Variants in DNAH14 observed in about 807,000 individuals in gnomAD.
DNAH14 encodes the protein dynein axonemal heavy chain 14.
Under a neutral mutation model 520.9 loss-of-function variants are expected in DNAH14, and 478 were observed. That is an observed-to-expected ratio of 0.92 (90% CI 0.85 to 0.99). The LOEUF (loss-of-function observed/expected upper bound fraction) is 0.99. Among genes scored for constraint, DNAH14 ranks in the 50% least tolerant of loss-of-function variants. The probability of loss-of-function intolerance (pLI) is 0.00; values close to 1 mark genes in which losing one functional copy is unlikely to be tolerated. For synonymous variants in DNAH14, 1,581 were observed against 1,757.2 expected (o/e 0.90, Z 2.51); for missense variants, 4,831 against 5,234.5 (o/e 0.92, Z 2.38).
chr1:225,272,885 T>C, intron 51 of DNAH14, 70 bp from the exon 52 acceptor site: 1 of 1,399,994 alleles, frequency 7.1e-7, no homozygotes. Flanking sequence ...CCTGCAAAAA[T>C]TGAGCCTTCG....
intron 77 of DNAH14, among the ~76,000 whole-genome samples, chr1:225,368,508 G>GA (rs2095580055): frequency 6.6e-6 from 1 of 152,172 alleles, no homozygotes; most frequent in Admixed American, 6.5e-5. Flanking sequence ...GTTTAGCTCA[G>GA]TGGTCTTCCT....
At chr1:225,116,100 G>C (rs966484527) in intron 23 of DNAH14, among the ~76,000 whole-genome samples, 6 of 152,172 alleles carry the variant, frequency 3.9e-5, no homozygotes, top group Admixed American at 3.3e-4. Flanking sequence ...AAAGTACAAA[G>C]ACATGGAGCC....
At chr1:225,046,484 G>A (rs1226435249) in intron 15 of DNAH14, among the ~76,000 whole-genome samples, 1 of 152,028 alleles carries the variant, frequency 6.6e-6, no homozygotes, top group Non-Finnish European at 1.5e-5. Context: ...CGTATGTTGT[G>A]AAGTAGGACT....
At position 225,079,302 on chromosome 1, in the gene DNAH14, A is replaced by C; in HGVS notation, c.2520A>C (p.Lys840Asn). The C allele has an allele frequency of 6.5e-7, 1 of 1,549,930 alleles. No homozygotes were observed. The highest frequency in any genetic ancestry group is 8.7e-7 in the Non-Finnish European group (1 of 1,146,574). Residue 840 changes from lysine to asparagine, a missense_variant, in exon 18 of 86, where the codon AAA (lysine) becomes AAC (asparagine). Coordinates refer to ENST00000682510, the MANE Select transcript of DNAH14 (RefSeq NM_001367479.1). ...HFIFLNAISS[K>N]ISKLEKEFLT... is the part of the protein sequence containing the mutation. ...TTTTTTTGAATGCAATTTCCTCAAA[A>C]ATATCTAAATTAGAAAAAGAGTTCT... is the stretch of plus-strand genomic sequence containing the variant.
chr1:225,191,306 T>A (rs1032525846), intron 37 of DNAH14, among the ~76,000 whole-genome samples: 3 of 152,040 alleles, frequency 2.0e-5, no homozygotes, highest in Non-Finnish European at 2.9e-5. Context: ...ATGCCTTAGT[T>A]TCTCCCTCAC....
intron 17 of DNAH14, among the ~76,000 whole-genome samples, chr1:225,071,133 C>T (rs1419610002): frequency 6.6e-6 from 1 of 152,070 alleles, no homozygotes; most frequent in Non-Finnish European, 1.5e-5. Context: ...CTCTTTATCC[C>T]AGCTTACCAC....
At position 225,080,686 on chromosome 1, in the gene DNAH14, A is replaced by G. The variant is rs540553579; in HGVS notation, c.3074A>G (p.Asp1025Gly). The G allele has an allele frequency of 7.2e-5, 111 of 1,551,046 alleles. 2 individuals are homozygous for G. In the South Asian group the frequency reaches 1.3e-3, roughly 17 times the overall value. ...EWRNSSLQSI[D>G]VESVQRNVSK... ...AGGAATAGTTCTCTTCAAAGTATTG[A>G]TGTAGAATCAGTACAGAGAAATGTT... The change falls in exon 19 of 86, where the codon GAT (aspartate) becomes GGT (glycine). Residue 1025 changes from aspartate to glycine, a missense_variant. Asp to Gly is a moderately conservative substitution (Grantham distance 94). Coordinates refer to ENST00000682510, the MANE Select transcript of DNAH14 (RefSeq NM_001367479.1).
rs1235106863 is a variant in DNAH14, at chr1:225,372,862, G to A, written c.12319-1826G>A. On this transcript the variant is annotated intron_variant, in intron 77 of 85. Transcript: ENST00000682510. Reference sequence around the variant, plus strand: ...CTATTAACAAGAAAAAGACCAACAAGCCAAAGGAAAAACAGGCGGTGTATA... The same window carrying A: ...CTATTAACAAGAAAAAGACCAACAAACCAAAGGAAAAACAGGCGGTGTATA... 3.3e-5 allele frequency among the ~76,000 whole-genome samples: 5 copies of A among 152,174 alleles called. No individual in the cohort carries two copies. The East Asian group carries it at 9.7e-4, about 29-fold the overall frequency.
intron 35 of DNAH14, among the ~76,000 whole-genome samples, chr1:225,165,429 T>TCA (rs1459470783): frequency 2.0e-5 from 3 of 152,200 alleles, no homozygotes. Flanking sequence ...ATCCTTTGTT[T>TCA]CACATGATTG....
At chr1:225,017,859 A>C (rs1452525386) in intron 10 of DNAH14, among the ~76,000 whole-genome samples, 3 of 152,184 alleles carry the variant, frequency 2.0e-5, no homozygotes, top group African/African-American at 7.2e-5. Context: ...ACTTTACCCA[A>C]CTTGCACCAC....
intron 34 of DNAH14, among the ~76,000 whole-genome samples, chr1:225,156,640 T>G (rs1385138501): frequency 6.6e-6 from 1 of 152,078 alleles, no homozygotes; most frequent in Non-Finnish European, 1.5e-5. Context: ...TGCATCTCTC[T>G]GTCTCTTATT....
chr1:224,961,327 A>G (rs911262024), intron 4 of DNAH14: 3 of 152,164 alleles, frequency 2.0e-5, no homozygotes, highest in Admixed American at 6.6e-5. Flanking sequence ...TGAGATAGTA[A>G]ATGTATGTTG....
chr1:225,095,527 T>TA (rs1031776916), intron 21 of DNAH14, among the ~76,000 whole-genome samples: 2 of 151,948 alleles, frequency 1.3e-5, no homozygotes, highest in African/African-American at 4.8e-5. Context: ...AGGGTGAGGA[T>TA]AAAAAAGCTA....
intron 21 of DNAH14, among the ~76,000 whole-genome samples, chr1:225,086,502 A>G (rs2073818831): frequency 6.6e-6 from 1 of 152,154 alleles, no homozygotes; most frequent in Admixed American, 6.5e-5. Flanking sequence ...AGTAAGTAGC[A>G]AAATTAACAT....
chr1:225,000,043 T>G (rs1364129042), intron 8 of DNAH14, among the ~76,000 whole-genome samples: 1 of 152,162 alleles, frequency 6.6e-6, no homozygotes, highest in African/African-American at 2.4e-5. Flanking sequence ...TATTGTTTGG[T>G]TGTTTGATTT....
chr1:225,392,582 A>C, intron 84 of DNAH14, 131 bp downstream of exon 84: 1 of 1,116,722 alleles, frequency 9.0e-7, no homozygotes, highest in Admixed American at 2.6e-5. Flanking sequence ...GCAGATCAAC[A>C]AGCCCTGCTT....
chr1:225,080,780 A>G, intron 19 of DNAH14, 32 bp downstream of exon 19: 1 of 1,482,576 alleles, frequency 6.7e-7, no homozygotes, highest in Non-Finnish European at 9.0e-7. Flanking sequence ...TTTCCCACCT[A>G]GGTCTATATA....
chr1:225,389,598 G>A, intron 82 of DNAH14, 136 bp from the exon 83 acceptor site: 1 of 967,684 alleles, frequency 1.0e-6, no homozygotes. Flanking sequence ...CCATTCAAGG[G>A]CCTGATAAGA....
rs149925229 is a variant in DNAH14 at position 225,366,236 on chromosome 1, A to G, written c.12090+1342A>G. 3.9e-5 allele frequency among the ~76,000 whole-genome samples: 6 copies of G among 152,354 alleles called. No homozygotes were observed. The East Asian group carries it at 1.2e-3, about 29-fold the overall frequency. ...TAATGCTGACAAGGTAATATCAGGG[A>G]GATATTAATCCAGAAAGGAAGGTAA... On this transcript the variant is annotated intron_variant, in intron 76 of 85. Coordinates refer to ENST00000682510, the MANE Select transcript of DNAH14 (RefSeq NM_001367479.1).
Sources: gnomAD v4.1 joint callset for allele counts (sites outside exome capture counted in the v4.1 genomes callset) on GRCh38, gnomAD v4.1.1 for gene constraint, MANE v1.5 for transcripts, NCBI Gene and HGNC (gene_info 2026-07-23, HGNC 2026-07-21) for gene names.